Variants in RIMS2 observed in about 807,000 individuals in gnomAD.
RIMS2 encodes regulating synaptic membrane exocytosis protein 2.
Under a neutral mutation model 174.4 loss-of-function variants are expected in RIMS2, and 59 were observed. The observed-to-expected ratio is 0.34, with a 90% CI of 0.27 to 0.42. RIMS2 has a LOEUF of 0.42. Among genes scored for constraint, RIMS2 ranks in the 10% least tolerant of loss-of-function variants. RIMS2 has a pLI of 1.00. For synonymous variants in RIMS2, 606 were observed against 572.5 expected (o/e 1.06, Z -0.84); for missense variants, 1,620 against 1,666.3 (o/e 0.97, Z 0.48).
intron 19 of RIMS2, among the ~76,000 whole-genome samples, chr8:104,086,453 G>A (rs941829412): frequency 6.6e-6 from 1 of 151,882 alleles, no homozygotes; most frequent in Non-Finnish European, 1.5e-5. Context: ...TGAAAACTGA[G>A]AAATCGATAG....
At chr8:103,858,677 G>T (rs1041301528) in intron 3 of RIMS2, among the ~76,000 whole-genome samples, 3 of 145,046 alleles carry the variant, frequency 2.1e-5, no homozygotes, top group African/African-American at 7.7e-5. Flanking sequence ...ATATATATAC[G>T]TGTGTGTGTA....
chr8:103,915,147 A>G (rs994297691), intron 6 of RIMS2, among the ~76,000 whole-genome samples: 1 of 152,100 alleles, frequency 6.6e-6, no homozygotes, highest in Non-Finnish European at 1.5e-5. Context: ...ATCTATAACT[A>G]GAAATGTTTA....
At chr8:104,107,353 C>T (rs1211579696) in intron 19 of RIMS2, among the ~76,000 whole-genome samples, 1 of 152,058 alleles carries the variant, frequency 6.6e-6, no homozygotes, top group African/African-American at 2.4e-5. Flanking sequence ...TCTTGTGATA[C>T]CCATTTTCTC....
chr8:104,199,876 G>A (rs11985239), intron 19 of RIMS2, among the ~76,000 whole-genome samples: 3,796 of 152,306 alleles, frequency 0.025, 140 homozygotes, highest in African/African-American at 0.08. Context: ...TGAGGACCAT[G>A]ACTTGAAGTC....
chr8:103,510,106 C>T (rs1825747695), intron 1 of RIMS2, among the ~76,000 whole-genome samples: 2 of 152,000 alleles, frequency 1.3e-5, no homozygotes, highest in South Asian at 4.1e-4. Flanking sequence ...ATGTTCAGCT[C>T]GAAGAGACAA....
At position 103,986,532 on chromosome 8, in the gene RIMS2, CTT is replaced by C. The variant is rs753245692; in HGVS notation, c.2928-2771_2928-2770del. Among the ~76,000 whole-genome samples the C allele has an allele frequency of 3.9e-5, 6 of 152,044 alleles. No homozygotes were observed. The South Asian group carries it at 8.3e-4, about 21-fold the overall frequency. ...GAAACAACTACAGATAAGAAAAAGA[CTT>C]TAAAAATAGCAACCATTATGAAATT... is the stretch of plus-strand genomic sequence containing the variant. On this transcript the variant is annotated intron_variant, in intron 16 of 23. Transcript: ENST00000504942.
At chr8:103,589,871 C>T (rs1348465869) in intron 1 of RIMS2, among the ~76,000 whole-genome samples, 1 of 150,898 alleles carries the variant, frequency 6.6e-6, no homozygotes, top group East Asian at 1.9e-4. Context: ...TTTGTGGGAT[C>T]TAAAAATCAA....
At chr8:103,858,062 CTGACTTCTTGT>C (rs1382559663) in intron 3 of RIMS2, among the ~76,000 whole-genome samples, 4 of 152,160 alleles carry the variant, frequency 2.6e-5, no homozygotes, top group Non-Finnish European at 5.9e-5. Flanking sequence ...CAGGCTTACA[CTGACTTCTTGT>C]TGTACAGAGA....
intron 19 of RIMS2, among the ~76,000 whole-genome samples, chr8:104,134,905 C>G (rs918090621): frequency 6.6e-5 from 10 of 152,276 alleles, no homozygotes; most frequent in Admixed American, 1.3e-4. Context: ...TTATATTGCT[C>G]TGACAGGGGA....
intron 2 of RIMS2, among the ~76,000 whole-genome samples, chr8:103,742,963 G>C (rs1397241115): frequency 1.3e-5 from 2 of 152,144 alleles, no homozygotes; most frequent in African/African-American, 2.4e-5. Context: ...TTATAAGATA[G>C]CGTACCATGA....
intron 19 of RIMS2, among the ~76,000 whole-genome samples, chr8:104,102,173 G>C (rs1598895787): frequency 6.6e-6 from 1 of 152,162 alleles, no homozygotes; most frequent in East Asian, 1.9e-4. Flanking sequence ...ACATCTTCCT[G>C]TATGTCCCAG....
At chr8:103,969,160 T>C (rs914368233) in intron 15 of RIMS2, among the ~76,000 whole-genome samples, 13 of 152,092 alleles carry the variant, frequency 8.5e-5, no homozygotes, top group Non-Finnish European at 1.3e-4. Flanking sequence ...TTCTCTTTGT[T>C]GTTATTATTT....
chr8:103,895,915 A>C (rs966772795), intron 4 of RIMS2, among the ~76,000 whole-genome samples: 4 of 151,428 alleles, frequency 2.6e-5, no homozygotes, highest in African/African-American at 9.8e-5. Flanking sequence ...GTTGTGCTCA[A>C]ATATCTTGAA....
chr8:103,502,010 T>C (rs773407100), intron 1 of RIMS2, among the ~76,000 whole-genome samples: 1 of 152,264 alleles, frequency 6.6e-6, no homozygotes, highest in Non-Finnish European at 1.5e-5. Flanking sequence ...TTGAATGTTT[T>C]ATGGTTATTT....
chr8:104,232,838 C>A (rs2099238126), intron 19 of RIMS2, among the ~76,000 whole-genome samples: 2 of 151,716 alleles, frequency 1.3e-5, no homozygotes, highest in Non-Finnish European at 2.9e-5. Flanking sequence ...AAAGTAGCAC[C>A]TTCCTATTTT....
intron 19 of RIMS2, among the ~76,000 whole-genome samples, chr8:104,021,436 T>C (rs2154554977): frequency 6.6e-6 from 1 of 152,332 alleles, no homozygotes; most frequent in East Asian, 1.9e-4. Flanking sequence ...TTAGTAATTA[T>C]GAAAGGAAAT....
At chr8:103,870,018 C>T (rs987405331) in intron 3 of RIMS2, among the ~76,000 whole-genome samples, 3 of 152,004 alleles carry the variant, frequency 2.0e-5, no homozygotes, top group Non-Finnish European at 4.4e-5. Flanking sequence ...ATAATAGTTA[C>T]AGTGAGCCTT....
At chr8:103,539,370 A>C (rs1223242786) in intron 1 of RIMS2, among the ~76,000 whole-genome samples, 1 of 152,232 alleles carries the variant, frequency 6.6e-6, no homozygotes, top group African/African-American at 2.4e-5. Flanking sequence ...ACACACACAA[A>C]AACAAGTATA....
intron 6 of RIMS2, 100 bp downstream of exon 9, chr8:103,912,272 T>G (rs1466227022): frequency 1.3e-6 from 1 of 775,984 alleles, no homozygotes; most frequent in Non-Finnish European, 2.0e-6. Flanking sequence ...TAGTAGTGTA[T>G]TTTTCCATTT....
Sources: allele counts gnomAD v4.1 joint callset (sites outside exome capture counted in the v4.1 genomes callset), GRCh38; gene constraint gnomAD v4.1.1; transcripts MANE v1.5; gene names NCBI Gene and HGNC (gene_info 2026-07-23, HGNC 2026-07-21).